CNTN4: variants seen among roughly 807,000 people sequenced by gnomAD.
CNTN4 encodes contactin 4.
CNTN4 carries 77 observed loss-of-function variants against 122.5 expected under a neutral mutation model. That is an observed-to-expected ratio of 0.63 (90% CI 0.52 to 0.76). CNTN4 has a LOEUF of 0.76. CNTN4 is among the 30% of genes least tolerant of loss of function. The probability of loss-of-function intolerance (pLI) is 0.00; values close to 1 mark genes in which losing one functional copy is unlikely to be tolerated. For missense variants in CNTN4, 1,256 were observed against 1,259.1 expected (o/e 1.00, Z 0.04); for synonymous variants, 512 against 447.0 (o/e 1.15, Z -1.83).
chr3:2,542,761 A>G lies in CNTN4; in HGVS notation c.-88-28655A>G, dbSNP rs573647737. The stretch of plus-strand genomic sequence containing the variant: ...AATTGCCACTTGAGTCAAATGGAAG[A>G]AGGCAAAATGTTGTGTTAGCTGTTC... On this transcript the variant is annotated intron_variant, in intron 3 of 24. Transcript: ENST00000418658. 7.2e-5 allele frequency among the ~76,000 whole-genome samples: 11 copies of G among 152,218 alleles called. No homozygotes were observed. In the East Asian group the frequency reaches 2.1e-3, roughly 29 times the overall value.
intron 23 of CNTN4, among the ~76,000 whole-genome samples, chr3:3,051,186 A>G (rs1701228784): frequency 6.6e-6 from 1 of 152,210 alleles, no homozygotes; most frequent in African/African-American, 2.4e-5. Context: ...TAGAACACAC[A>G]GTGTTCAGAC....
chr3:2,303,332 C>A (rs1156510351), intron 2 of CNTN4, among the ~76,000 whole-genome samples: 1 of 151,940 alleles, frequency 6.6e-6, no homozygotes, highest in East Asian at 1.9e-4. Context: ...ATGTTTTTAT[C>A]ACCCCTGCCC....
chr3:2,651,586 C>G (rs1002282201), intron 4 of CNTN4, among the ~76,000 whole-genome samples: 1 of 152,160 alleles, frequency 6.6e-6, no homozygotes, highest in Non-Finnish European at 1.5e-5. Context: ...CACGGTGGCT[C>G]ATACCTGTAC....
At chr3:3,038,772 G>A (rs896821174) in intron 18 of CNTN4, among the ~76,000 whole-genome samples, 161 bp from the exon 19 acceptor site, 13 of 150,428 alleles carry the variant, frequency 8.6e-5, no homozygotes, top group African/African-American at 3.2e-4. Flanking sequence ...TTCCTCGAGC[G>A]GTCGCCGTGG....
chr3:2,108,588 C>T (rs9790320), intron 2 of CNTN4, among the ~76,000 whole-genome samples: 1 of 152,062 alleles, frequency 6.6e-6, no homozygotes, highest in South Asian at 2.1e-4. Flanking sequence ...AATTTGGAGG[C>T]AAAATTCTTA....
intron 14 of CNTN4, among the ~76,000 whole-genome samples, chr3:3,025,296 T>C (rs978141203): frequency 1.3e-5 from 2 of 152,188 alleles, no homozygotes; most frequent in African/African-American, 2.4e-5. Flanking sequence ...TGTATCATTT[T>C]GTCAGTGATG....
chr3:2,277,320 T>C (rs1057343797), intron 2 of CNTN4, among the ~76,000 whole-genome samples: 1 of 152,130 alleles, frequency 6.6e-6, no homozygotes, highest in African/African-American at 2.4e-5. Context: ...AAAATGCCTA[T>C]TGAGTTGGTT....
intron 3 of CNTN4, among the ~76,000 whole-genome samples, chr3:2,558,342 CA>C (rs777807585): frequency 4.6e-5 from 7 of 152,150 alleles, no homozygotes; most frequent in Non-Finnish European, 1.0e-4. Flanking sequence ...TTGTTTATAG[CA>C]TTCATTTCTT....
intron 3 of CNTN4, among the ~76,000 whole-genome samples, chr3:2,471,169 C>T (rs77551072): frequency 6.6e-6 from 1 of 152,264 alleles, no homozygotes; most frequent in Non-Finnish European, 1.5e-5. Context: ...TCCCCATCAC[C>T]CAGATATGTA....
rs918167781 is a variant in CNTN4, at chr3:2,869,995, G to T, written c.652+3046G>T. Among the ~76,000 whole-genome samples, 9 of 152,226 alleles carry T rather than the reference G, an allele frequency of 5.9e-5. No individual in the cohort carries two copies. The East Asian group carries it at 1.7e-3, about 29-fold the overall frequency. ...GTGGCTTCTACCCAAATGCACTTAG[G>T]CCAGAATATCTGTTCAGTGGTATTA... On this transcript the variant is annotated intron_variant, in intron 8 of 24. Coordinates refer to ENST00000418658, the MANE Select transcript of CNTN4 (RefSeq NM_175607.3).
At chr3:2,507,309 C>G (rs891141829) in intron 3 of CNTN4, among the ~76,000 whole-genome samples, 1 of 151,996 alleles carries the variant, frequency 6.6e-6, no homozygotes, top group African/African-American at 2.4e-5. Context: ...GCACCCCTAC[C>G]CCAAGTGGTA....
At chr3:2,976,697 A>G (rs1693447553) in intron 13 of CNTN4, among the ~76,000 whole-genome samples, 1 of 152,200 alleles carries the variant, frequency 6.6e-6, no homozygotes, top group Non-Finnish European at 1.5e-5. Context: ...ACCACAAAAC[A>G]ATCTTTCTTT....
At chr3:2,684,220 A>G (rs1457123538) in intron 4 of CNTN4, among the ~76,000 whole-genome samples, 1 of 152,146 alleles carries the variant, frequency 6.6e-6, no homozygotes, top group Admixed American at 6.6e-5. Flanking sequence ...TTTGAAAGCC[A>G]ATCATTTAGC....
intron 2 of CNTN4, among the ~76,000 whole-genome samples, chr3:2,208,834 C>A (rs1415103932): frequency 6.6e-6 from 1 of 152,108 alleles, no homozygotes; most frequent in African/African-American, 2.4e-5. Flanking sequence ...ACTGAAGGCT[C>A]AGATGATTGT....
intron 14 of CNTN4, among the ~76,000 whole-genome samples, chr3:3,004,098 T>A (rs759306797): frequency 1.3e-5 from 2 of 152,034 alleles, no homozygotes; most frequent in East Asian, 3.9e-4. Context: ...TTATGTTATA[T>A]GTATTATATC....
At chr3:2,215,010 A>G (rs1201571559) in intron 2 of CNTN4, among the ~76,000 whole-genome samples, 4 of 152,192 alleles carry the variant, frequency 2.6e-5, no homozygotes, top group Non-Finnish European at 5.9e-5. Flanking sequence ...CTTTGAAAAA[A>G]TGGGATTATC....
At chr3:2,281,926 T>C (rs1324784685) in intron 2 of CNTN4, among the ~76,000 whole-genome samples, 1 of 152,134 alleles carries the variant, frequency 6.6e-6, no homozygotes, top group Admixed American at 6.6e-5. Context: ...GATTTTTATG[T>C]GCTTTGAAAT....
intron 4 of CNTN4, among the ~76,000 whole-genome samples, chr3:2,677,614 T>C (rs1457678245): frequency 2.0e-5 from 3 of 151,958 alleles, no homozygotes; most frequent in Non-Finnish European, 4.4e-5. Flanking sequence ...TAAAGAGAGG[T>C]TGAACATTAT....
rs370997795 is a variant in CNTN4 at position 2,924,266 on chromosome 3, A to G, written c.1208-1363A>G. The stretch of plus-strand genomic sequence containing the variant: ...AAGCTTACTTTCATTTTTAAACATC[A>G]TTAGCCTATGATTTAGGAACTTTTA... On this transcript the variant is annotated intron_variant, in intron 12 of 24. Transcript: ENST00000418658. Among the ~76,000 whole-genome samples, 44 of 152,226 alleles carry G rather than the reference A, an allele frequency of 2.9e-4. No individual in the cohort carries two copies. In the South Asian group the frequency reaches 7.3e-3, roughly 25 times the overall value.
Sources: gnomAD v4.1 joint callset for allele counts (sites outside exome capture counted in the v4.1 genomes callset) on GRCh38, gnomAD v4.1.1 for gene constraint, MANE v1.5 for transcripts, NCBI Gene and HGNC (gene_info 2026-07-23, HGNC 2026-07-21) for gene names.